The following SUMF1 variants were observed in gnomAD, a reference collection of about 807,000 sequenced individuals.
SUMF1 encodes the protein sulfatase modifying factor 1.
SUMF1 carries 48 observed loss-of-function variants against 47.6 expected under a neutral mutation model. The ratio of observed to expected loss-of-function variants is 1.01; its 90% CI spans 0.80 to 1.28. The LOEUF (loss-of-function observed/expected upper bound fraction) is 1.28. Among genes scored for constraint, SUMF1 ranks in the 50% most tolerant of loss-of-function variants. SUMF1 has a pLI of 0.00. For missense variants in SUMF1, 571 were observed against 485.4 expected (o/e 1.18, Z -1.66); for synonymous variants, 230 against 192.1 (o/e 1.20, Z -1.63).
intron 8 of SUMF1, among the ~76,000 whole-genome samples, chr3:4,332,557 T>C (rs916327289): frequency 6.6e-6 from 1 of 152,244 alleles, no homozygotes; most frequent in Non-Finnish European, 1.5e-5. Context: ...TAAATGTTTC[T>C]AGTGTATACC....
intron 8 of SUMF1, among the ~76,000 whole-genome samples, chr3:4,100,073 CTTG>C: frequency 6.7e-6 from 1 of 149,876 alleles, no homozygotes; most frequent in Non-Finnish European, 1.5e-5. Flanking sequence ...TCTTCCAATC[CTTG>C]GATTGGAAGA....
intron 3 of SUMF1, among the ~76,000 whole-genome samples, chr3:4,431,395 T>A (rs1011767565): frequency 6.6e-6 from 1 of 152,208 alleles, no homozygotes; most frequent in East Asian, 1.9e-4. Context: ...TTTCTTTGCA[T>A]ACACACAAAC....
chr3:4,358,513 T>C (rs1018008938), downstream of SUMF1, among the ~76,000 whole-genome samples: 1 of 152,190 alleles, frequency 6.6e-6, no homozygotes, highest in African/African-American at 2.4e-5. Flanking sequence ...GTGGAAGTCA[T>C]GTTGGATCAC....
intron 8 of SUMF1, among the ~76,000 whole-genome samples, chr3:4,375,654 A>T (rs1700303858): frequency 7.9e-5 from 12 of 152,158 alleles, no homozygotes. Context: ...CAATCTGCAA[A>T]ATGCCATCTC....
intron 6 of SUMF1, among the ~76,000 whole-genome samples, chr3:4,412,200 G>C (rs1701565489): frequency 6.6e-6 from 1 of 152,162 alleles, no homozygotes; most frequent in Non-Finnish European, 1.5e-5. Context: ...GACAGTGAGG[G>C]CTTCAATAAC....
intron 9 of SUMF1, among the ~76,000 whole-genome samples, chr3:4,048,153 C>T (rs975549752): frequency 3.9e-5 from 6 of 152,008 alleles, no homozygotes; most frequent in Admixed American, 6.6e-5. Context: ...TTATTCAAAC[C>T]TTTTCCATTC....
chr3:4,155,012 C>A (rs1694421338), intron 8 of SUMF1, among the ~76,000 whole-genome samples: 1 of 151,492 alleles, frequency 6.6e-6, no homozygotes, highest in East Asian at 1.9e-4. Context: ...TTTATGTTGG[C>A]AGACTTCAAA....
chr3:4,381,797 C>T (rs888390797), intron 7 of SUMF1, among the ~76,000 whole-genome samples: 1 of 152,196 alleles, frequency 6.6e-6, no homozygotes, highest in Admixed American at 6.5e-5. Context: ...GTAATCCCAG[C>T]ACTTTGGGAG....
chr3:4,467,035 A>C lies in SUMF1; in HGVS notation c.211T>G (p.Ser71Ala), dbSNP rs201984297. The C allele has an allele frequency of 6.3e-7, 1 of 1,578,104 alleles. No homozygotes were observed. Among genetic ancestry groups the C allele is most frequent in the South Asian group, 1.2e-5 (1 of 86,930 alleles). Residue 71 changes from serine (S) to alanine (A), a missense_variant, in exon 1 of 9, where the codon TCG becomes GCG. Ser to Ala is a moderately conservative substitution (Grantham distance 99). Coordinates refer to ENST00000272902, the MANE Select transcript of SUMF1 (RefSeq NM_182760.4). Reference sequence around the variant, plus strand: ...GGGCCCGGAGCGTTAGCCTCCCGCGAGTATCGGTGAGCGGCTGCCGAACTG... The same window carrying C: ...GGGCCCGGAGCGTTAGCCTCCCGCGCGTATCGGTGAGCGGCTGCCGAACTG... The part of the protein sequence containing the change: ...HGSSAAAHRY[S>A]REANAPGPVP...
intron 8 of SUMF1, among the ~76,000 whole-genome samples, chr3:4,365,964 C>G (rs1156548636): frequency 6.6e-6 from 1 of 151,996 alleles, no homozygotes; most frequent in Admixed American, 6.5e-5. Flanking sequence ...CTTATTTCTC[C>G]TTCACTTATG....
chr3:4,404,745 C>T (rs1701322694), intron 7 of SUMF1, among the ~76,000 whole-genome samples: 1 of 152,100 alleles, frequency 6.6e-6, no homozygotes, highest in Non-Finnish European at 1.5e-5. Context: ...GTCTGGGCAA[C>T]AAGAACGAAA....
At chr3:4,262,412 T>C (rs1480160631) in intron 8 of SUMF1, among the ~76,000 whole-genome samples, 1 of 152,166 alleles carries the variant, frequency 6.6e-6, no homozygotes, top group South Asian at 2.1e-4. Flanking sequence ...TATTTCTCTA[T>C]GTGCCAAAGT....
chr3:4,351,116 C>T (rs1349141032), intron 8 of SUMF1, among the ~76,000 whole-genome samples: 1 of 152,198 alleles, frequency 6.6e-6, no homozygotes. Context: ...AGGCAATCAT[C>T]AATGTGATTC....
In SUMF1 at chr3:4,072,227, G is replaced by A. The variant is rs574954274; in HGVS notation, c.1015-3482C>T. 3.1e-4 allele frequency among the ~76,000 whole-genome samples: 47 copies of A among 152,222 alleles called. No homozygotes were observed. In the South Asian group the frequency reaches 5.4e-3, roughly 17 times the overall value. The stretch of plus-strand genomic sequence containing the variant: ...CCTGACTGTCAGAAGGAAAACTAAC[G>A]AATACAAGGGGCCTGACTGTTAGAA... On this transcript the variant is annotated intron_variant and NMD_transcript_variant, in intron 8 of 12. Transcript: ENST00000448413.
At chr3:4,058,444 T>C (rs1695225838) in intron 9 of SUMF1, among the ~76,000 whole-genome samples, 1 of 152,018 alleles carries the variant, frequency 6.6e-6, no homozygotes, top group South Asian at 2.1e-4. Flanking sequence ...TTCTGGGTGA[T>C]GTACTAGATA....
At chr3:4,401,518 G>C (rs1421090894) in intron 7 of SUMF1, among the ~76,000 whole-genome samples, 1 of 152,074 alleles carries the variant, frequency 6.6e-6, no homozygotes, top group African/African-American at 2.4e-5. Flanking sequence ...GCAGACCCAA[G>C]GGCAGTTCCC....
chr3:4,326,321 G>C (rs923419438), intron 8 of SUMF1, among the ~76,000 whole-genome samples: 1 of 152,060 alleles, frequency 6.6e-6, no homozygotes, highest in African/African-American at 2.4e-5. Flanking sequence ...AGGAATCTCA[G>C]ATTAGACTTT....
intron 8 of SUMF1, among the ~76,000 whole-genome samples, chr3:4,217,247 A>T (rs1050492288): frequency 1.3e-5 from 2 of 151,604 alleles, no homozygotes; most frequent in Non-Finnish European, 2.9e-5. Flanking sequence ...CATCACTCTC[A>T]GCAAACTATC....
At chr3:4,040,749 T>TAGCGACAG (rs1463696793) in intron 9 of SUMF1, among the ~76,000 whole-genome samples, 1 of 152,184 alleles carries the variant, frequency 6.6e-6, no homozygotes, top group Non-Finnish European at 1.5e-5. Context: ...GTGTGCAATG[T>TAGCGACAG]TGATGCCGAA....
Sources: gnomAD v4.1 joint callset for allele counts (sites outside exome capture counted in the v4.1 genomes callset) on GRCh38, gnomAD v4.1.1 for gene constraint, MANE v1.5 for transcripts, NCBI Gene and HGNC (gene_info 2026-07-23, HGNC 2026-07-21) for gene names.